USP22: variants seen among roughly 807,000 people sequenced by gnomAD.
USP22 encodes ubiquitin carboxyl-terminal hydrolase 22.
Under a neutral mutation model 68.1 loss-of-function variants are expected in USP22, and 22 were observed. That is an observed-to-expected ratio of 0.32 (90% confidence interval 0.23 to 0.46). The LOEUF (loss-of-function observed/expected upper bound fraction) is 0.46. Ranked by LOEUF, USP22 falls within the 20% of genes least tolerant of loss-of-function variation. USP22 has a pLI of 1.00. For missense variants in USP22, 433 were observed against 695.8 expected, an observed-to-expected ratio of 0.62 and a Z score of 4.25; for synonymous variants, 279 against 274.2, an observed-to-expected ratio of 1.02 and a Z score of -0.17.
chr17:20,999,646 G>C lies in USP22; in HGVS notation c.*3385C>G, dbSNP rs1045215. The stretch of plus-strand genomic sequence containing the variant: ...ACATAGGAGAGACTACAAAGCACTG[G>C]GGGGGAGGAGGAGTGACACAGCTCC... On this transcript the variant is annotated 3_prime_UTR_variant, in exon 13 of 13. Coordinates refer to ENST00000261497, the MANE Select transcript of USP22 (RefSeq NM_015276.2). 25,932 of 152,146 alleles carry C rather than the reference G, an allele frequency of 0.17. 2,785 individuals carry two copies. The highest frequency in any genetic ancestry group is 0.25 in the South Asian group (1,202 of 4,814). The allele number at this position is 152,146 out of a possible 1,614,324, so 9.4% of individuals were successfully genotyped here.
At chr17:21,003,135 C>A (rs1418701736) in intron 12 of USP22, 62 bp from the exon 13 acceptor site, 1 of 1,591,926 alleles carries the variant, frequency 6.3e-7, no homozygotes, top group African/African-American at 1.3e-5. Flanking sequence ...GCCAGAACAA[C>A]CCACCCTACA....
chr17:21,034,066 A>T (rs530822411), intron 1 of USP22, among the ~76,000 whole-genome samples: 26 of 151,652 alleles, frequency 1.7e-4, no homozygotes, highest in African/African-American at 6.1e-4. Flanking sequence ...TCTATCCTTT[A>T]TATGAAAAAA....
intron 1 of USP22, among the ~76,000 whole-genome samples, chr17:21,040,129 C>G (rs1054251206): frequency 5.3e-5 from 8 of 152,162 alleles, no homozygotes; most frequent in Non-Finnish European, 8.8e-5. Context: ...GATCACTGAC[C>G]AGACCATTGC....
At chr17:21,036,518 T>TA (rs1190910646) in intron 1 of USP22, among the ~76,000 whole-genome samples, 2 of 33,858 alleles carry the variant, frequency 5.9e-5, no homozygotes, top group Non-Finnish European at 1.1e-4. Context: ...CACTGTACTG[T>TA]AAGGGGGGGG....
chr17:21,037,556 G>A (rs1972373011), intron 1 of USP22, among the ~76,000 whole-genome samples: 1 of 152,138 alleles, frequency 6.6e-6, no homozygotes, highest in Non-Finnish European at 1.5e-5. Flanking sequence ...AACCAAAACT[G>A]AGGGACATTC....
chr17:21,010,301 C>CA (rs1342599188), intron 8 of USP22, among the ~76,000 whole-genome samples: 1 of 152,168 alleles, frequency 6.6e-6, no homozygotes, highest in Non-Finnish European at 1.5e-5. Flanking sequence ...GCAAATAAAA[C>CA]AAAGGCTATA....
At chr17:21,043,374 C>T (rs1448206073), upstream of USP22, 4 of 332,072 alleles carry the variant, frequency 1.2e-5, no homozygotes, top group African/African-American at 8.8e-5. Flanking sequence ...AGAGCCGCCT[C>T]CCGGGACCCT....
intron 5 of USP22, among the ~76,000 whole-genome samples, chr17:21,016,371 T>C (rs1914134088): frequency 6.6e-6 from 1 of 152,188 alleles, no homozygotes; most frequent in East Asian, 1.9e-4. Context: ...GCCAGTCCTC[T>C]CCAACAGCTC....
chr17:21,021,330 TTCACAGCACCTTCCTATTCACAAGCAGG>T, intron 2 of USP22, 104 bp from the exon 3 acceptor site: 3 of 733,168 alleles, frequency 4.1e-6, no homozygotes, highest in Non-Finnish European at 7.2e-6. Flanking sequence ...ATACTGACTG[TTCACAGCACCTTCCTATTCACAAGCAGG>T]GAAGCCAGTC....
intron 1 of USP22, among the ~76,000 whole-genome samples, chr17:21,031,872 G>C (rs1429537430): frequency 1.3e-5 from 2 of 152,204 alleles, no homozygotes; most frequent in African/African-American, 4.8e-5. Context: ...AGCCAACACA[G>C]CTAAGAGACA....
At chr17:21,037,839 T>C (rs1451732682) in intron 1 of USP22, among the ~76,000 whole-genome samples, 1 of 152,208 alleles carries the variant, frequency 6.6e-6, no homozygotes, top group Non-Finnish European at 1.5e-5. Context: ...ATAGACTGTA[T>C]CAATGTCAAT....
intron 3 of USP22, among the ~76,000 whole-genome samples, chr17:21,020,522 A>G (rs561926466): frequency 9.9e-5 from 15 of 152,244 alleles, no homozygotes; most frequent in Admixed American, 2.0e-4. Flanking sequence ...TGGTGGGTCT[A>G]GTTTCCATCT....
intron 1 of USP22, 65 bp downstream of exon 1, chr17:21,042,600 C>A: frequency 8.0e-7 from 1 of 1,257,296 alleles, no homozygotes; most frequent in Non-Finnish European, 1.0e-6. Flanking sequence ...AGGGCCCCTC[C>A]GCCGGCCGGC....
At chr17:21,003,878 C>A (rs1218054182) in intron 12 of USP22, among the ~76,000 whole-genome samples, 4 of 133,164 alleles carry the variant, frequency 3.0e-5, no homozygotes, top group African/African-American at 1.2e-4. Context: ...CCAGCCTGGG[C>A]AACAAGAGCG....
intron 2 of USP22, among the ~76,000 whole-genome samples, chr17:21,027,831 G>A (rs11652271): frequency 0.015 from 2,224 of 152,188 alleles, 24 homozygotes; most frequent in Non-Finnish European, 0.021. Context: ...TTAGCCAGGC[G>A]TGGTAGCAGG....
intron 6 of USP22, among the ~76,000 whole-genome samples, chr17:21,013,589 G>A (rs543170033): frequency 3.2e-4 from 49 of 152,324 alleles, no homozygotes; most frequent in South Asian, 2.1e-4. Flanking sequence ...GTGGGGACAG[G>A]GCACGAGGAC....
At chr17:21,042,402 G>A in intron 1 of USP22, 1 of 265,240 alleles carries the variant, frequency 3.8e-6, no homozygotes, top group Non-Finnish European at 7.1e-6. Flanking sequence ...ACAGAGAGGA[G>A]GGGGAGGGAA....
At chr17:21,007,729 TCA>T in intron 9 of USP22, 139 bp downstream of exon 9, 1 of 1,100,240 alleles carries the variant, frequency 9.1e-7, no homozygotes, top group Non-Finnish European at 1.3e-6. Flanking sequence ...GACAATTCCC[TCA>T]CACCCTCCCT....
Position 21,004,275 on chromosome 17 carries a change from T to C in USP22, c.1462A>G (p.Lys488Glu). The change falls in exon 12 of 13, where the codon AAA becomes GAA. Residue 488 changes from lysine (K) to glutamate (E), a missense_variant. Coordinates refer to ENST00000261497, the MANE Select transcript of USP22 (RefSeq NM_015276.2). ...GHYTSFIRQHKDQWFKCDDAI... is the reference protein window; with the variant it reads ...GHYTSFIRQHEDQWFKCDDAI... ...TCGTCACACTTGAACCACTGGTCTTTGTGCTGCCGGATAAAGCTGGTGTAG... is the reference window on the plus strand; with the variant it reads ...TCGTCACACTTGAACCACTGGTCTTCGTGCTGCCGGATAAAGCTGGTGTAG... 1 of 1,614,194 alleles carries C rather than the reference T, an allele frequency of 6.2e-7. No individual in the cohort carries two copies. The highest frequency in any genetic ancestry group is 8.5e-7 in the Non-Finnish European group (1 of 1,180,032).
Sources: gnomAD v4.1 joint callset for allele counts (sites outside exome capture counted in the v4.1 genomes callset) on GRCh38, gnomAD v4.1.1 for gene constraint, MANE v1.5 for transcripts, NCBI Gene and HGNC (gene_info 2026-07-23, HGNC 2026-07-21) for gene names.